ZNF565: variants seen among roughly 807,000 people sequenced by gnomAD.
ZNF565 encodes zinc finger protein 565.
ZNF565 carries 27 observed loss-of-function variants against 39.4 expected under a neutral mutation model. The observed-to-expected ratio is 0.69, with a 90% CI of 0.51 to 0.95. The LOEUF (loss-of-function observed/expected upper bound fraction) is 0.95, where lower values mean the gene tolerates loss of function less well. Ranked by LOEUF, ZNF565 falls within the 40% of genes least tolerant of loss-of-function variation. The probability of loss-of-function intolerance (pLI) is 0.00; values close to 1 mark genes in which losing one functional copy is unlikely to be tolerated. For missense variants in ZNF565, 524 were observed against 621.1 expected, an observed-to-expected ratio of 0.84 and a Z score of 1.66; for synonymous variants, 185 against 216.6, an observed-to-expected ratio of 0.85 and a Z score of 1.28.
intron 1 of ZNF565, among the ~76,000 whole-genome samples, chr19:36,233,684 G>T (rs1977500785): frequency 6.6e-6 from 1 of 152,178 alleles, no homozygotes; most frequent in African/African-American, 2.4e-5. Context: ...TGCTTTTGAT[G>T]TGCATATACA....
At chr19:36,236,393 AT>A in intron 1 of ZNF565, 1 of 1,542,272 alleles carries the variant, frequency 6.5e-7, no homozygotes, top group Non-Finnish European at 8.7e-7. Flanking sequence ...TCATCAAGAA[AT>A]TTTTACTGGA....
intron 1 of ZNF565, chr19:36,238,660 CA>C (rs1359009822): frequency 6.0e-6 from 1 of 167,046 alleles, no homozygotes; most frequent in African/African-American, 2.4e-5. Context: ...AAATACTAAA[CA>C]TTTTATAGAA....
rs1489250507 is a variant in ZNF565 at position 36,182,455 on chromosome 19, C to T, written c.*11G>A. On this transcript the variant is annotated 3_prime_UTR_variant, in exon 5 of 5. Transcript: ENST00000304116. ...TAAAGGCTTATCTTTATCCCTTACA[C>T]TCAAGGCTTTCTAACCAGTATGAAT... 6.5e-7 allele frequency: 1 copy of T among 1,544,668 alleles called. No homozygotes were observed. Among genetic ancestry groups the T allele is most frequent in the African/African-American group, 1.4e-5 (1 of 72,610 alleles).
chr19:36,194,395 A>G, intron 3 of ZNF565, 67 bp from the exon 4 acceptor site: 1 of 1,328,042 alleles, frequency 7.5e-7, no homozygotes, highest in South Asian at 1.5e-5. Context: ...TTCCCTGGTC[A>G]CCATGGAAAA....
intron 4 of ZNF565, among the ~76,000 whole-genome samples, chr19:36,190,376 A>G (rs1975484789): frequency 6.6e-6 from 1 of 151,420 alleles, no homozygotes; most frequent in Admixed American, 6.6e-5. Context: ...CGGGAGTTTG[A>G]GACCAGTCTG....
chr19:36,217,055 C>CTTTTTTTTTTTT (rs752632008), upstream of ZNF565, among the ~76,000 whole-genome samples: 6 of 65,878 alleles, frequency 9.1e-5, 2 homozygotes, highest in Admixed American at 4.6e-4. Flanking sequence ...CAGTCCCTGT[C>CTTTTTTTTTTTT]TTTTTTTTTT....
At chr19:36,208,207 T>A (rs1976228318) in intron 1 of ZNF565, among the ~76,000 whole-genome samples, 1 of 25,642 alleles carries the variant, frequency 3.9e-5, no homozygotes, top group Non-Finnish European at 9.4e-5. Flanking sequence ...ACAGGACAAT[T>A]TTTTTTTTTT....
At chr19:36,196,262 G>A (rs1056320152) in intron 2 of ZNF565, among the ~76,000 whole-genome samples, 3 of 152,084 alleles carry the variant, frequency 2.0e-5, no homozygotes, top group Non-Finnish European at 4.4e-5. Flanking sequence ...GTTTGGTAGA[G>A]ACAGAATCTC....
At chr19:36,236,713 G>C in intron 1 of ZNF565, 1 of 1,614,198 alleles carries the variant, frequency 6.2e-7, no homozygotes, top group South Asian at 1.1e-5. Context: ...TTACGCACCA[G>C]AAAATTCACA....
Position 36,202,697 on chromosome 19 carries a change from G to A in ZNF565, c.-65-647C>T, listed in dbSNP as rs560157839. Among the ~76,000 whole-genome samples the A allele has an allele frequency of 7.9e-5, 12 of 152,274 alleles. 1 individual carries two copies. The South Asian group carries it at 2.5e-3, about 32-fold the overall frequency. On this transcript the variant is annotated intron_variant, in intron 1 of 4. Transcript: ENST00000304116. The stretch of plus-strand genomic sequence containing the variant: ...ACAGCACCATCAGGCTAGGAACACA[G>A]ACCATCTATGCAGGCCAAATCTTGA...
chr19:36,209,752 G>C (rs768054827), intron 1 of ZNF565, among the ~76,000 whole-genome samples: 9 of 152,092 alleles, frequency 5.9e-5, no homozygotes, highest in Non-Finnish European at 8.8e-5. Flanking sequence ...GTTTAGGGAA[G>C]AAAGTAGTTT....
At chr19:36,187,131 G>A (rs893735255) in intron 4 of ZNF565, among the ~76,000 whole-genome samples, 6 of 151,784 alleles carry the variant, frequency 4.0e-5, no homozygotes, top group Admixed American at 3.9e-4. Context: ...CGGAGGTTGC[G>A]GTGAGCCAAT....
At chr19:36,200,667 T>G (rs1975927071) in intron 2 of ZNF565, among the ~76,000 whole-genome samples, 1 of 151,712 alleles carries the variant, frequency 6.6e-6, no homozygotes, top group Admixed American at 6.6e-5. Flanking sequence ...TTCTGTATTT[T>G]TAGTAGAGAC....
At chr19:36,215,629 T>C (rs1266015053), upstream of ZNF565, among the ~76,000 whole-genome samples, 1 of 152,194 alleles carries the variant, frequency 6.6e-6, no homozygotes, top group African/African-American at 2.4e-5. Context: ...GCATTTCTTT[T>C]TAATTGGAGT....
At chr19:36,197,165 G>T (rs1039650879) in intron 2 of ZNF565, among the ~76,000 whole-genome samples, 1 of 152,152 alleles carries the variant, frequency 6.6e-6, no homozygotes, top group Non-Finnish European at 1.5e-5. Context: ...CCAGCTACTT[G>T]GGAGGCTGAG....
At chr19:36,233,429 A>G (rs1043842229) in intron 1 of ZNF565, among the ~76,000 whole-genome samples, 1 of 152,066 alleles carries the variant, frequency 6.6e-6, no homozygotes, top group Non-Finnish European at 1.5e-5. Context: ...AAAGAAAGAG[A>G]CACAGAAACA....
At chr19:36,233,793 T>C (rs1977508737) in intron 1 of ZNF565, among the ~76,000 whole-genome samples, 1 of 152,220 alleles carries the variant, frequency 6.6e-6, no homozygotes. Flanking sequence ...GAATATACAA[T>C]CCAGCTTTAC....
chr19:36,197,333 A>G (rs1568417031), intron 2 of ZNF565, among the ~76,000 whole-genome samples: 1 of 150,312 alleles, frequency 6.7e-6, no homozygotes, highest in Non-Finnish European at 1.5e-5. Flanking sequence ...TTAGCTGGGC[A>G]TGATGGTGCG....
chr19:36,184,096 A>AAC (rs1555734956), intron 4 of ZNF565, among the ~76,000 whole-genome samples: 7 of 149,594 alleles, frequency 4.7e-5, no homozygotes, highest in African/African-American at 1.7e-4. Flanking sequence ...AAAAAAAAAA[A>AAC]AAAAAAACTA....
Sources: allele counts gnomAD v4.1 joint callset (sites outside exome capture counted in the v4.1 genomes callset), GRCh38; gene constraint gnomAD v4.1.1; transcripts MANE v1.5; gene names NCBI Gene and HGNC (gene_info 2026-07-23, HGNC 2026-07-21).